TMTC2: variants seen among roughly 807,000 people sequenced by gnomAD.
The protein encoded by TMTC2 is transmembrane O-mannosyltransferase targeting cadherins 2.
TMTC2 carries 43 observed loss-of-function variants against 82.4 expected under a neutral mutation model. The ratio of observed to expected loss-of-function variants is 0.52; its 90% confidence interval spans 0.41 to 0.67. TMTC2 has a LOEUF of 0.67. TMTC2 is among the 30% of genes least tolerant of loss of function. The probability of loss-of-function intolerance (pLI) is 0.00; values close to 1 mark genes in which losing one functional copy is unlikely to be tolerated. For synonymous variants in TMTC2, 408 were observed against 381.9 expected (o/e 1.07, Z -0.80); for missense variants, 919 against 1,012.4 (o/e 0.91, Z 1.25).
chr12:82,857,441 T>G lies in TMTC2; in HGVS notation c.515T>G (p.Phe172Cys). ...RGYSARTWGW[F>C]LGSGLCAGCS... ...TACTCAGCCAGAACCTGGGGCTGGT[T>G]CCTGGGGTCAGGACTGTGCGCAGGA... The change falls in exon 2 of 12, where the codon TTC (phenylalanine) becomes TGC (cysteine). Residue 172 changes from phenylalanine to cysteine, a missense_variant. Phe to Cys is a radical substitution (Grantham distance 205). Transcript: ENST00000321196. 6.2e-7 allele frequency: 1 copy of G among 1,614,212 alleles called. No homozygotes were observed. The highest frequency in any genetic ancestry group is 8.5e-7 in the Non-Finnish European group (1 of 1,180,032).
intron 11 of TMTC2, among the ~76,000 whole-genome samples, chr12:83,129,526 G>T (rs191402604): frequency 6.6e-6 from 1 of 152,190 alleles, no homozygotes; most frequent in East Asian, 1.9e-4. Flanking sequence ...GGACAAAGAA[G>T]CCTCAGGCTG....
At chr12:82,747,637 C>G (rs1875758553) in intron 1 of TMTC2, among the ~76,000 whole-genome samples, 1 of 152,174 alleles carries the variant, frequency 6.6e-6, no homozygotes, top group Non-Finnish European at 1.5e-5. Context: ...ACTCGTTAGG[C>G]AATATAGAAG....
chr12:82,846,058 C>G (rs1870652898), intron 1 of TMTC2, among the ~76,000 whole-genome samples: 3 of 151,372 alleles, frequency 2.0e-5, no homozygotes, highest in Non-Finnish European at 4.4e-5. Flanking sequence ...TCCTCATTTT[C>G]TCCTACTAAG....
At chr12:82,805,603 G>A (rs1879208463) in intron 1 of TMTC2, among the ~76,000 whole-genome samples, 1 of 150,062 alleles carries the variant, frequency 6.7e-6, no homozygotes, top group Non-Finnish European at 1.5e-5. Context: ...CGTCTCCGGG[G>A]TTCACGCCAT....
chr12:82,882,251 G>A (rs577522575), intron 2 of TMTC2, among the ~76,000 whole-genome samples: 14 of 151,788 alleles, frequency 9.2e-5, no homozygotes, highest in African/African-American at 2.9e-4. Context: ...CGCCCGCCTC[G>A]GCCTCCCAAA....
chr12:82,717,747 G>A (rs1873966725), intron 1 of TMTC2, among the ~76,000 whole-genome samples: 1 of 152,042 alleles, frequency 6.6e-6, no homozygotes, highest in Non-Finnish European at 1.5e-5. Context: ...AATGGGTCAG[G>A]AATTTTACTA....
At chr12:83,006,952 G>C (rs1334149709) in intron 8 of TMTC2, among the ~76,000 whole-genome samples, 3 of 152,072 alleles carry the variant, frequency 2.0e-5, no homozygotes, top group African/African-American at 4.8e-5. Flanking sequence ...GTCGGGGGCT[G>C]GGGGAGGGAT....
At chr12:82,812,168 A>AT (rs1868436716) in intron 1 of TMTC2, among the ~76,000 whole-genome samples, 1 of 151,884 alleles carries the variant, frequency 6.6e-6, no homozygotes. Flanking sequence ...TAGTACCATA[A>AT]TTTTTCTTTT....
intron 9 of TMTC2, 55 bp downstream of exon 9, chr12:83,030,934 T>G (rs1276337510): frequency 7.4e-5 from 97 of 1,310,660 alleles, no homozygotes; most frequent in Non-Finnish European, 1.1e-4. Context: ...TTAATGTTGA[T>G]ATGAGATCTA....
intron 7 of TMTC2, among the ~76,000 whole-genome samples, chr12:82,984,036 A>G (rs1220370250): frequency 6.6e-6 from 1 of 152,044 alleles, no homozygotes; most frequent in Non-Finnish European, 1.5e-5. Context: ...AAACAAAATT[A>G]TTATAGAAAT....
intron 8 of TMTC2, among the ~76,000 whole-genome samples, chr12:83,020,732 T>A (rs182820421): frequency 2.0e-5 from 3 of 152,250 alleles, no homozygotes; most frequent in Non-Finnish European, 4.4e-5. Flanking sequence ...TATCAAATTA[T>A]CTCCACTGAA....
chr12:82,937,166 G>A (rs975652698), intron 4 of TMTC2, among the ~76,000 whole-genome samples: 6 of 152,132 alleles, frequency 3.9e-5, no homozygotes, highest in Non-Finnish European at 7.3e-5. Context: ...ATACTACAAG[G>A]TACATAGCTT....
At chr12:82,888,036 G>A (rs991007388) in intron 2 of TMTC2, among the ~76,000 whole-genome samples, 25 of 152,138 alleles carry the variant, frequency 1.6e-4, no homozygotes, top group Non-Finnish European at 3.7e-4. Context: ...CCGAAATCGC[G>A]CCATTGCATT....
chr12:82,947,581 C>T lies in TMTC2; in HGVS notation c.1598+17036C>T, dbSNP rs1282258940. Among the ~76,000 whole-genome samples, 12 of 151,996 alleles carry T rather than the reference C, an allele frequency of 7.9e-5. No individual in the cohort carries two copies. In the South Asian group the frequency reaches 8.3e-4, roughly 11 times the overall value. ...TCCTGACCTGGTGATCCGCCTGCCTCGGCCTCCCAAAGTGCTGGGATTACA... is the reference window on the plus strand; with the variant it reads ...TCCTGACCTGGTGATCCGCCTGCCTTGGCCTCCCAAAGTGCTGGGATTACA... On this transcript the variant is annotated intron_variant, in intron 4 of 11. Coordinates refer to ENST00000321196, the MANE Select transcript of TMTC2 (RefSeq NM_152588.3).
chr12:82,739,583 G>A (rs2136951491), intron 1 of TMTC2, among the ~76,000 whole-genome samples: 1 of 151,836 alleles, frequency 6.6e-6, no homozygotes, highest in South Asian at 2.1e-4. Flanking sequence ...GTAGATTGAT[G>A]AAATTCCATC....
rs117097677 is a variant in TMTC2, at chr12:83,038,827, C to T, written c.2152+7948C>T. ...ATGCACCCTTTTGTTTTCCTTTGTT[C>T]GGAAGGCTTAATGTTTTCTATTTTA... On this transcript the variant is annotated intron_variant, in intron 9 of 11. Transcript: ENST00000321196. Among the ~76,000 whole-genome samples, 96 of 151,692 alleles carry T rather than the reference C, an allele frequency of 6.3e-4. No individual in the cohort carries two copies. In the East Asian group the frequency reaches 0.018, roughly 28 times the overall value.
chr12:82,987,287 G>T (rs1169302876), intron 8 of TMTC2, among the ~76,000 whole-genome samples: 2 of 151,958 alleles, frequency 1.3e-5, no homozygotes, highest in African/African-American at 4.8e-5. Flanking sequence ...AGCCAAGGGT[G>T]GTAATGCGTC....
chr12:82,871,361 A>ATG (rs1872166282), intron 2 of TMTC2, among the ~76,000 whole-genome samples: 1 of 134,590 alleles, frequency 7.4e-6, no homozygotes, highest in African/African-American at 3.9e-5. Context: ...AAAAGAAACA[A>ATG]TGATTTTTTT....
At chr12:82,778,776 G>A (rs1341042945) in intron 1 of TMTC2, among the ~76,000 whole-genome samples, 1 of 147,364 alleles carries the variant, frequency 6.8e-6, no homozygotes, top group Non-Finnish European at 1.5e-5. Flanking sequence ...GTGAACCCGG[G>A]AGGCGGAGCT....
Sources: gnomAD v4.1 joint callset for allele counts (sites outside exome capture counted in the v4.1 genomes callset) on GRCh38, gnomAD v4.1.1 for gene constraint, MANE v1.5 for transcripts, NCBI Gene and HGNC (gene_info 2026-07-23, HGNC 2026-07-21) for gene names.